ZNF827: variants seen among roughly 807,000 people sequenced by gnomAD.
ZNF827 encodes zinc finger protein 827.
A neutral mutation model predicts 102.4 loss-of-function variants in ZNF827; 13 were observed. The ratio of observed to expected loss-of-function variants is 0.13; its 90% confidence interval spans 0.08 to 0.20. The LOEUF is 0.20. ZNF827 is among the 10% of genes least tolerant of loss of function. The pLI is 1.00. For synonymous variants in ZNF827, 523 were observed against 536.2 expected, an observed-to-expected ratio of 0.98 and a Z score of 0.34; for missense variants, 1,103 against 1,344.4, an observed-to-expected ratio of 0.82 and a Z score of 2.81.
chr4:145,908,145 TGTGA>T (rs1381457348), intron 1 of ZNF827, among the ~76,000 whole-genome samples: 1 of 152,018 alleles, frequency 6.6e-6, no homozygotes. Context: ...TCAGAAAGAT[TGTGA>T]GTGCACAGTG....
At chr4:145,813,919 G>T (rs1876476) in intron 8 of ZNF827, among the ~76,000 whole-genome samples, 27,945 of 152,072 alleles carry the variant, frequency 0.18, 2,668 homozygotes, top group Non-Finnish European at 0.22. Flanking sequence ...TAGGAGGAGG[G>T]ATCGATGTAG....
At chr4:145,907,368 G>A (rs567799391) in intron 1 of ZNF827, 4 of 365,268 alleles carry the variant, frequency 1.1e-5, no homozygotes, top group South Asian at 2.1e-5. Flanking sequence ...ACACTACATC[G>A]TGAGAAAAAG....
chr4:145,852,335 G>A (rs1196670748), intron 5 of ZNF827, among the ~76,000 whole-genome samples: 1 of 152,106 alleles, frequency 6.6e-6, no homozygotes, highest in African/African-American at 2.4e-5. Context: ...AAGCTTCCTG[G>A]GATCACATCA....
chr4:145,824,283 C>T (rs964291426), intron 7 of ZNF827, among the ~76,000 whole-genome samples: 4 of 152,168 alleles, frequency 2.6e-5, no homozygotes, highest in South Asian at 2.1e-4. Context: ...AACTCTAACT[C>T]GGTCACAGGG....
At chr4:145,891,282 C>T (rs2126845392) in intron 3 of ZNF827, among the ~76,000 whole-genome samples, 1 of 152,296 alleles carries the variant, frequency 6.6e-6, no homozygotes, top group East Asian at 1.9e-4. Context: ...CATTATGATT[C>T]CCATTTAACA....
rs1737637663 is a variant in ZNF827 at position 145,779,508 on chromosome 4, G to A, written c.2387C>T (p.Thr796Ile). The stretch of plus-strand genomic sequence containing the variant: ...TCCTGCCTCTAGGACTATCTTTTCT[G>A]TTTCTGGGTCAAAAGAACAAAGCAT... The part of the protein sequence containing the change: ...VLHGRISAPE[T>I]EKIVLEAGNG... The change falls in exon 9 of 15, where the codon ACA becomes ATA. Residue 796 changes from threonine (T) to isoleucine (I), a missense_variant. This residue lies in a region of ZNF827 where 242 missense variants were observed against 361.9 expected (regional missense o/e 0.67). Transcript: ENST00000508784. 1.2e-6 allele frequency: 2 copies of A among 1,612,686 alleles called. No individual in the cohort carries two copies. The highest frequency in any genetic ancestry group is 2.7e-5 in the African/African-American group (2 of 74,848).
chr4:145,823,344 A>T, intron 8 of ZNF827, 78 bp downstream of exon 8: 1 of 1,202,220 alleles, frequency 8.3e-7, no homozygotes, highest in Non-Finnish European at 1.2e-6. Flanking sequence ...AGCTGAAAGT[A>T]TCTGAAAATT....
chr4:145,888,609 A>G (rs113698324), intron 3 of ZNF827, among the ~76,000 whole-genome samples: 10 of 152,342 alleles, frequency 6.6e-5, no homozygotes, highest in African/African-American at 1.9e-4. Flanking sequence ...GGGACAGGTG[A>G]GGGCCTTCAT....
intron 4 of ZNF827, among the ~76,000 whole-genome samples, chr4:145,879,258 A>G (rs1358142455): frequency 6.6e-6 from 1 of 152,212 alleles, no homozygotes; most frequent in Non-Finnish European, 1.5e-5. Flanking sequence ...TAGGTTTACT[A>G]TTACAGACCC....
intron 1 of ZNF827, among the ~76,000 whole-genome samples, chr4:145,922,419 T>A (rs1753138008): frequency 6.6e-6 from 1 of 152,200 alleles, no homozygotes; most frequent in Non-Finnish European, 1.5e-5. Flanking sequence ...TTAGCTTGAA[T>A]CACAGCAACA....
At chr4:145,882,305 C>T (rs114460814) in intron 4 of ZNF827, among the ~76,000 whole-genome samples, 144 of 152,286 alleles carry the variant, frequency 9.5e-4, no homozygotes, top group African/African-American at 3.2e-3. Flanking sequence ...GTGAAATCTA[C>T]AAAATTCATT....
intron 7 of ZNF827, among the ~76,000 whole-genome samples, chr4:145,836,601 G>C (rs2126585758): frequency 6.6e-6 from 1 of 151,666 alleles, no homozygotes; most frequent in African/African-American, 2.4e-5. Context: ...ACTTCAATCC[G>C]GCCTCCCACA....
At chr4:145,778,660 C>G (rs1420309040) in intron 9 of ZNF827, among the ~76,000 whole-genome samples, 1 of 152,104 alleles carries the variant, frequency 6.6e-6, no homozygotes, top group Non-Finnish European at 1.5e-5. Flanking sequence ...TACTTCCTGT[C>G]TTGCTTTTTA....
chr4:145,776,562 C>T (rs1199477312), intron 9 of ZNF827, among the ~76,000 whole-genome samples: 1 of 151,758 alleles, frequency 6.6e-6, no homozygotes, highest in Admixed American at 6.6e-5. Context: ...AAGGTAAGCC[C>T]CACACAGGGC....
Position 145,760,820 on chromosome 4 carries a change from G to A in ZNF827, c.*796C>T, listed in dbSNP as rs1436878120. On this transcript the variant is annotated 3_prime_UTR_variant, in exon 15 of 15. Transcript: ENST00000508784. ...CTTTCTCTCAGTCCGAGATAGGCCA[G>A]GAAGGAGTGTTTGGGTGAGGGGATG... 3.3e-6 allele frequency: 4 copies of A among 1,196,934 alleles called. No homozygotes were observed. Among genetic ancestry groups the A allele is most frequent in the Non-Finnish European group, 4.2e-6 (4 of 944,386 alleles). 74.1% of individuals were successfully genotyped at this position (1,196,934 alleles called of 1,614,324 possible).
At position 145,938,483 on chromosome 4, in the gene ZNF827, C is replaced by T; in HGVS notation, c.-76G>A. 1 of 488,378 alleles carries T rather than the reference C, an allele frequency of 2.0e-6. No homozygotes were observed. The highest frequency in any genetic ancestry group is 2.8e-6 in the Non-Finnish European group (1 of 354,652). 30.3% of individuals were successfully genotyped at this position (488,378 alleles called of 1,614,324 possible). ...ACCCCCGTGGGGGCAGAGAGGCAGA[C>T]ACTGGCAGGAGCGGGGAGGTAGTTG... On this transcript the variant is annotated 5_prime_UTR_variant, in exon 1 of 15. Transcript: ENST00000508784.
At chr4:145,872,258 G>A (rs1748755412) in intron 4 of ZNF827, among the ~76,000 whole-genome samples, 1 of 152,162 alleles carries the variant, frequency 6.6e-6, no homozygotes, top group African/African-American at 2.4e-5. Flanking sequence ...GGTTAAATGA[G>A]GTCATAAGAG....
At chr4:145,808,049 T>C (rs1191464451) in intron 8 of ZNF827, among the ~76,000 whole-genome samples, 1 of 143,834 alleles carries the variant, frequency 7.0e-6, no homozygotes, top group African/African-American at 2.5e-5. Context: ...TTTGCAAGAG[T>C]ACACATTTTT....
intron 1 of ZNF827, among the ~76,000 whole-genome samples, chr4:145,930,885 A>C (rs1223668512): frequency 6.6e-6 from 1 of 152,154 alleles, no homozygotes. Context: ...AGTGAAGCTA[A>C]CTTTTAAAAA....
Sources: allele counts gnomAD v4.1 joint callset (sites outside exome capture counted in the v4.1 genomes callset), GRCh38; gene constraint gnomAD v4.1.1; regional missense constraint gnomAD v4.1.1; transcripts MANE v1.5; gene names NCBI Gene and HGNC (gene_info 2026-07-23, HGNC 2026-07-21).